TOX2: variants seen among roughly 807,000 people sequenced by gnomAD.
The protein encoded by TOX2 is granulosa cell HMG box 1.
TOX2 carries 15 observed loss-of-function variants against 47.4 expected under a neutral mutation model. That is an observed-to-expected ratio of 0.32 (90% CI 0.21 to 0.49). The LOEUF is 0.49. Ranked by LOEUF, TOX2 falls within the 20% of genes least tolerant of loss-of-function variation. The probability of loss-of-function intolerance (pLI) is 0.99; values close to 1 mark genes in which losing one functional copy is unlikely to be tolerated. For synonymous variants in TOX2, 290 were observed against 296.6 expected (o/e 0.98, Z 0.23); for missense variants, 622 against 673.1 (o/e 0.92, Z 0.84).
rs2071283515 is a variant in TOX2 at position 44,038,882 on chromosome 20, A to G, written c.412-12424A>G. ...GTGAAAAACGCCCTTGTGTTCCTGC[A>G]GCCCTGCGAAGCTATTAAGCTCTGC... On this transcript the variant is annotated intron_variant, in intron 3 of 8. Coordinates refer to ENST00000341197, the MANE Select transcript of TOX2 (RefSeq NM_001098797.2). 3.7e-6 allele frequency: 4 copies of G among 1,084,406 alleles called. No individual in the cohort carries two copies. The African/African-American group carries it at 4.9e-5, about 13-fold the overall frequency. 67.2% of individuals were successfully genotyped at this position (1,084,406 alleles called of 1,614,324 possible). A position where few individuals can be genotyped will look rare whatever the true frequency, so the allele number is the denominator to read the frequency against.
chr20:43,979,165 T>A (rs2070129974), intron 2 of TOX2, among the ~76,000 whole-genome samples: 1 of 152,188 alleles, frequency 6.6e-6, no homozygotes, highest in Non-Finnish European at 1.5e-5. Flanking sequence ...CTCATCCACA[T>A]GGAGATGTTC....
At chr20:44,033,013 G>A (rs953770649) in intron 3 of TOX2, among the ~76,000 whole-genome samples, 3 of 152,182 alleles carry the variant, frequency 2.0e-5, no homozygotes, top group African/African-American at 4.8e-5. Flanking sequence ...TATTATAGTC[G>A]TTTGTTTCAA....
chr20:44,008,883 T>A (rs909033021), intron 3 of TOX2, among the ~76,000 whole-genome samples: 1 of 152,218 alleles, frequency 6.6e-6, no homozygotes, highest in Non-Finnish European at 1.5e-5. Context: ...ACAAGGCCCA[T>A]TTCCACACAA....
chr20:43,918,541 A>G (rs2092489), intron 1 of TOX2, among the ~76,000 whole-genome samples: 4 of 152,114 alleles, frequency 2.6e-5, no homozygotes, highest in Admixed American at 1.3e-4. Context: ...TTTAAGTTCA[A>G]TTTAGGTATA....
intron 3 of TOX2, among the ~76,000 whole-genome samples, chr20:44,026,358 T>C (rs2071069354): frequency 6.7e-6 from 1 of 149,628 alleles, no homozygotes; most frequent in Admixed American, 6.6e-5. Flanking sequence ...GTGAAGTAAC[T>C]CAGGAATGGA....
chr20:44,059,884 A>G (rs1420743949), intron 5 of TOX2, among the ~76,000 whole-genome samples: 1 of 152,204 alleles, frequency 6.6e-6, no homozygotes, highest in African/African-American at 2.4e-5. Context: ...AAATAGCACA[A>G]CGAATAGAAT....
At chr20:43,969,297 A>C (rs895981682) in intron 1 of TOX2, among the ~76,000 whole-genome samples, 11 of 152,322 alleles carry the variant, frequency 7.2e-5, no homozygotes, top group African/African-American at 2.6e-4. Flanking sequence ...TGTGCTGCCC[A>C]TGCTGTGCAC....
chr20:43,948,308 T>G (rs181391627), intron 1 of TOX2, among the ~76,000 whole-genome samples: 4 of 152,316 alleles, frequency 2.6e-5, no homozygotes, highest in Admixed American at 2.0e-4. Context: ...CTGTGTGATC[T>G]TGGGCCAGTT....
intron 8 of TOX2, among the ~76,000 whole-genome samples, chr20:44,067,782 C>T (rs1187395260): frequency 2.0e-5 from 3 of 152,306 alleles, no homozygotes; most frequent in African/African-American, 7.2e-5. Flanking sequence ...AGGAGGGACA[C>T]TTGCTCCTTA....
At chr20:43,958,434 C>T (rs1452222391) in intron 1 of TOX2, among the ~76,000 whole-genome samples, 1 of 152,238 alleles carries the variant, frequency 6.6e-6, no homozygotes, top group African/African-American at 2.4e-5. Flanking sequence ...TTTCCCCCAA[C>T]CTGGCTGCCC....
At chr20:43,917,512 C>T (rs1417013883) in intron 1 of TOX2, among the ~76,000 whole-genome samples, 2 of 152,170 alleles carry the variant, frequency 1.3e-5, no homozygotes, top group East Asian at 3.9e-4. Flanking sequence ...GCTCGTTGCA[C>T]AGGGAGCCAG....
At chr20:44,067,838 A>G (rs888589115) in intron 8 of TOX2, among the ~76,000 whole-genome samples, 2 of 152,148 alleles carry the variant, frequency 1.3e-5, no homozygotes, top group African/African-American at 4.8e-5. Flanking sequence ...TGAGTCCCGC[A>G]GCCACACCTG....
rs750029558 is a variant in TOX2, at chr20:44,068,779, G to C, written c.*93G>C. On this transcript the variant is annotated 3_prime_UTR_variant, in exon 9 of 9. Transcript: ENST00000341197. ...GAAAAGAGGCCCTGGCCAGAGGCAG[G>C]GTGGCCCATCGGAGAGAGCAGTGAC... is the stretch of plus-strand genomic sequence containing the variant. The C allele has an allele frequency of 3.9e-6, 6 of 1,555,792 alleles. No individual in the cohort carries two copies. The South Asian group carries it at 4.6e-5, about 12-fold the overall frequency.
chr20:43,930,778 T>C (rs796614815), intron 1 of TOX2, among the ~76,000 whole-genome samples: 12 of 152,308 alleles, frequency 7.9e-5, no homozygotes, highest in African/African-American at 2.9e-4. Flanking sequence ...ATGAACACTA[T>C]GTTACCTGCC....
Position 44,048,547 on chromosome 20 carries a change from A to T in TOX2, c.412-2759A>T, listed in dbSNP as rs1600782063. Among the ~76,000 whole-genome samples the T allele has an allele frequency of 3.3e-5, 5 of 151,360 alleles. No individual in the cohort carries two copies. The South Asian group carries it at 8.3e-4, about 25-fold the overall frequency. ...TTTAAGCTCTTTCATTCTCTAAGGA[A>T]AATGTAATTTATATGTTATCTATAC... is the stretch of plus-strand genomic sequence containing the variant. On this transcript the variant is annotated intron_variant, in intron 3 of 8. Coordinates refer to ENST00000341197, the MANE Select transcript of TOX2 (RefSeq NM_001098797.2).
At chr20:43,946,078 G>T (rs2069466281) in intron 1 of TOX2, 1 of 1,609,136 alleles carries the variant, frequency 6.2e-7, no homozygotes. Context: ...GGTGGAGGTG[G>T]TCAGGCCGTC....
chr20:43,927,458 AACACACACACACACACAC>A (rs34410581), intron 1 of TOX2, among the ~76,000 whole-genome samples: 2,989 of 131,426 alleles, frequency 0.023, 101 homozygotes, highest in African/African-American at 0.068. Context: ...TGATCTATAT[AACACACACACACACACAC>A]ACACACACAC....
chr20:43,930,278 T>C (rs1398816153), intron 1 of TOX2, among the ~76,000 whole-genome samples: 2 of 152,172 alleles, frequency 1.3e-5, no homozygotes, highest in African/African-American at 4.8e-5. Context: ...TCTCTGGGCC[T>C]CACTTACCCT....
intron 3 of TOX2, among the ~76,000 whole-genome samples, chr20:44,050,822 G>A (rs1201183167): frequency 6.6e-6 from 1 of 152,162 alleles, no homozygotes; most frequent in Non-Finnish European, 1.5e-5. Flanking sequence ...TACAGATGAA[G>A]AAACTGAGGC....
Sources: gnomAD v4.1 joint callset for allele counts (sites outside exome capture counted in the v4.1 genomes callset) on GRCh38, gnomAD v4.1.1 for gene constraint, MANE v1.5 for transcripts, NCBI Gene and HGNC (gene_info 2026-07-23, HGNC 2026-07-21) for gene names.